Variants in SGSM1 observed in about 807,000 individuals in gnomAD.
SGSM1 encodes the protein RUN and TBC1 domain containing 2.
Under a neutral mutation model 133.8 loss-of-function variants are expected in SGSM1, and 73 were observed. That is an observed-to-expected ratio of 0.55 (90% CI 0.45 to 0.66). The LOEUF (loss-of-function observed/expected upper bound fraction) is 0.66. Among genes scored for constraint, SGSM1 ranks in the 30% least tolerant of loss-of-function variants. The pLI, the probability that SGSM1 is intolerant of heterozygous loss-of-function variation, is 0.00. For missense variants in SGSM1, 1,213 were observed against 1,448.1 expected (o/e 0.84, Z 2.64); for synonymous variants, 563 against 573.0 (o/e 0.98, Z 0.25).
chr22:24,870,916 T>A (rs1282158016), intron 12 of SGSM1, among the ~76,000 whole-genome samples: 1 of 152,202 alleles, frequency 6.6e-6, no homozygotes, highest in Non-Finnish European at 1.5e-5. Flanking sequence ...AACCCTTTAC[T>A]CCCTCCCCTT....
chr22:24,912,478 A>G (rs1683981404), intron 21 of SGSM1, among the ~76,000 whole-genome samples, 165 bp from the exon 22 acceptor site: 1 of 152,180 alleles, frequency 6.6e-6, no homozygotes, highest in Non-Finnish European at 1.5e-5. Flanking sequence ...GGAGATCAAG[A>G]CCATCCTGGC....
At chr22:24,806,552 T>G in intron 2 of SGSM1, 68 bp downstream of exon 2, 2 of 1,466,450 alleles carry the variant, frequency 1.4e-6, no homozygotes, top group South Asian at 1.3e-5. Context: ...GAAAAGAGTC[T>G]TCGTGGAAGG....
At chr22:24,832,016 C>G (rs933662841) in intron 2 of SGSM1, among the ~76,000 whole-genome samples, 1 of 152,192 alleles carries the variant, frequency 6.6e-6, no homozygotes, top group Non-Finnish European at 1.5e-5. Flanking sequence ...CAGACGTCTG[C>G]AGGGAGGCCC....
intron 16 of SGSM1, among the ~76,000 whole-genome samples, chr22:24,891,725 G>A (rs16979194): frequency 0.11 from 17,159 of 152,118 alleles, 1,434 homozygotes; most frequent in East Asian, 0.43. Context: ...AGGCAACCCC[G>A]AGGGCTGCAG....
chr22:24,806,213 T>C lies in SGSM1; in HGVS notation c.-113T>C. ...ACGTCGGGCGCCCTCCGGCCGTCAC[T>C]CAGCGCTCGGCCCCGCCCCGCCGCG... On this transcript the variant is annotated 5_prime_UTR_variant, in exon 1 of 25. Coordinates refer to ENST00000400358, the MANE Select transcript of SGSM1 (RefSeq NM_001098497.3). 4.9e-6 allele frequency: 6 copies of C among 1,216,886 alleles called. No homozygotes were observed. Among genetic ancestry groups the C allele is most frequent in the Non-Finnish European group, 6.2e-6 (6 of 974,662 alleles). 75.4% of individuals were successfully genotyped at this position (1,216,886 alleles called of 1,614,324 possible).
chr22:24,838,929 C>CCAAA (rs34381201), intron 2 of SGSM1, among the ~76,000 whole-genome samples: 4 of 147,012 alleles, frequency 2.7e-5, no homozygotes, highest in Non-Finnish European at 6.0e-5. Flanking sequence ...TATGTTTCTG[C>CCAAA]AAAAAAAAAA....
chr22:24,847,894 T>G, intron 4 of SGSM1, 98 bp downstream of exon 4: 1 of 1,440,898 alleles, frequency 6.9e-7, no homozygotes, highest in Non-Finnish European at 9.3e-7. Flanking sequence ...AGCACTCTTT[T>G]CAGTCTCCAT....
chr22:24,849,123 A>G (rs1393907867), intron 4 of SGSM1, among the ~76,000 whole-genome samples: 2 of 152,190 alleles, frequency 1.3e-5, no homozygotes, highest in Admixed American at 6.5e-5. Context: ...CATATATGCA[A>G]TCACTCATTC....
chr22:24,826,981 C>G (rs994889306), intron 2 of SGSM1, among the ~76,000 whole-genome samples: 2 of 152,056 alleles, frequency 1.3e-5, no homozygotes, highest in African/African-American at 4.8e-5. Context: ...ATGTTTTTAC[C>G]CCCCTAGAGT....
At chr22:24,893,752 T>C (rs1932857413) in intron 17 of SGSM1, 139 bp downstream of exon 17, 2 of 972,942 alleles carry the variant, frequency 2.1e-6, no homozygotes, top group Non-Finnish European at 2.9e-6. Flanking sequence ...TTTAAGAGTG[T>C]GCGGTGACTT....
At chr22:24,841,364 T>G (rs1929797688) in intron 2 of SGSM1, among the ~76,000 whole-genome samples, 1 of 152,246 alleles carries the variant, frequency 6.6e-6, no homozygotes, top group African/African-American at 2.4e-5. Context: ...TGACTAGTTT[T>G]GTATCCTAAG....
chr22:24,914,621 T>C (rs1310867713), intron 22 of SGSM1, among the ~76,000 whole-genome samples: 2 of 152,212 alleles, frequency 1.3e-5, no homozygotes. Context: ...AAAAATTCTT[T>C]TACAATATAT....
Position 24,817,997 on chromosome 22 carries a change from C to T in SGSM1, c.63+11513C>T, listed in dbSNP as rs547028467. ...CTATAATCCCAGCACTTTGGGAGGC[C>T]GAGGCGGGTGGATCACCTGAGGTCA... On this transcript the variant is annotated intron_variant, in intron 2 of 24. Coordinates refer to ENST00000400358, the MANE Select transcript of SGSM1 (RefSeq NM_001098497.3). Among the ~76,000 whole-genome samples, 5 of 152,006 alleles carry T rather than the reference C, an allele frequency of 3.3e-5. 1 individual carries two copies. In the South Asian group the frequency reaches 8.3e-4, roughly 25 times the overall value.
At chr22:24,902,310 G>T (rs1933195847) in intron 20 of SGSM1, among the ~76,000 whole-genome samples, 1 of 152,126 alleles carries the variant, frequency 6.6e-6, no homozygotes, top group East Asian at 1.9e-4. Context: ...CATGTCTCTG[G>T]CTGTAGAATC....
At position 24,812,369 on chromosome 22, in the gene SGSM1, T is replaced by C. The variant is rs73403187; in HGVS notation, c.63+5885T>C. 7.7e-3 allele frequency among the ~76,000 whole-genome samples: 1,179 copies of C among 152,156 alleles called. 14 individuals carry two copies. The highest frequency in any genetic ancestry group is 0.027 in the African/African-American group (1,130 of 41,512). ...AGATGAGGAACTGGAGGCAGAGAGA[T>C]GTTATGCAGCTCGCTTTAAGGTCCC... On this transcript the variant is annotated intron_variant, in intron 2 of 24. Transcript: ENST00000400358.
intron 2 of SGSM1, among the ~76,000 whole-genome samples, chr22:24,832,730 G>A (rs1189845876): frequency 1.3e-5 from 2 of 152,100 alleles, no homozygotes; most frequent in Non-Finnish European, 1.5e-5. Context: ...CTGCCCTTAC[G>A]GTACACAGAA....
intron 2 of SGSM1, among the ~76,000 whole-genome samples, chr22:24,824,528 C>A (rs1041125555): frequency 6.6e-6 from 1 of 152,156 alleles, no homozygotes; most frequent in Non-Finnish European, 1.5e-5. Context: ...CAACTGTCAC[C>A]TCCTGTGTGC....
At position 24,806,289 on chromosome 22, in the gene SGSM1, A is replaced by G; in HGVS notation, c.-37A>G. The G allele has an allele frequency of 5.7e-6, 8 of 1,414,320 alleles. No individual in the cohort carries two copies. The highest frequency in any genetic ancestry group is 1.5e-5 in the African/African-American group (1 of 66,302). The allele number at this position is 1,414,320 out of a possible 1,614,324, so 87.6% of individuals were successfully genotyped here. On this transcript the variant is annotated 5_prime_UTR_variant, in exon 1 of 25. Coordinates refer to ENST00000400358, the MANE Select transcript of SGSM1 (RefSeq NM_001098497.3). The stretch of plus-strand genomic sequence containing the variant: ...AGGAGCTACCGCCGCCACCGCCGCC[A>G]CCGCCTCCTGGGACTCGGAACGCAG...
At chr22:24,882,673 C>A (rs1471731638) in intron 14 of SGSM1, among the ~76,000 whole-genome samples, 1 of 152,170 alleles carries the variant, frequency 6.6e-6, no homozygotes, top group Non-Finnish European at 1.5e-5. Flanking sequence ...ACCTCCTTCC[C>A]TTCCTACCCT....
Sources: allele counts gnomAD v4.1 joint callset (sites outside exome capture counted in the v4.1 genomes callset), GRCh38; gene constraint gnomAD v4.1.1; transcripts MANE v1.5; gene names NCBI Gene and HGNC (gene_info 2026-07-23, HGNC 2026-07-21).